The following TTLL1 variants were observed in gnomAD, a reference collection of about 807,000 sequenced individuals.
TTLL1 encodes TTL family tubulin polyglutamylase complex subunit L1, also known as polyglutamylase complex subunit TTLL1.
Under a neutral mutation model 47.8 loss-of-function variants are expected in TTLL1, and 33 were observed. That is an observed-to-expected ratio of 0.69 (90% CI 0.52 to 0.92). The LOEUF (loss-of-function observed/expected upper bound fraction) is 0.92. Ranked by LOEUF, TTLL1 falls within the 40% of genes least tolerant of loss-of-function variation. The pLI is 0.00. For synonymous variants in TTLL1, 225 were observed against 214.1 expected (o/e 1.05, Z -0.45); for missense variants, 488 against 547.5 (o/e 0.89, Z 1.08).
chr22:43,063,826 A>C lies in TTLL1; in HGVS notation c.734T>G (p.Ile245Ser). The change falls in exon 7 of 11, where the codon ATC becomes AGC. Residue 245 changes from isoleucine to serine, a missense_variant. By Grantham distance (142) the Ile-to-Ser change is moderately radical. Coordinates refer to ENST00000266254, the MANE Select transcript of TTLL1 (RefSeq NM_012263.5). ...GGACACACTCACCCCGTGTTTCTGG[A>C]TGGCGACGTTGGTGAGATGAACGAA... Reference protein sequence around the residue: ...NMFVHLTNVAIQKHGEDYNHI... With the variant: ...NMFVHLTNVASQKHGEDYNHI... 3 of 1,613,940 alleles carry C rather than the reference A, an allele frequency of 1.9e-6. No homozygotes were observed. Among genetic ancestry groups the C allele is most frequent in the Non-Finnish European group, 2.5e-6 (3 of 1,179,860 alleles).
At chr22:43,085,184 G>A (rs546450220) in intron 1 of TTLL1, among the ~76,000 whole-genome samples, 3 of 152,052 alleles carry the variant, frequency 2.0e-5, no homozygotes, top group Non-Finnish European at 4.4e-5. Flanking sequence ...CACTGTGTCA[G>A]CCAGGATGGT....
At chr22:43,084,351 T>C (rs1929089842) in intron 1 of TTLL1, among the ~76,000 whole-genome samples, 1 of 151,966 alleles carries the variant, frequency 6.6e-6, no homozygotes, top group Non-Finnish European at 1.5e-5. Context: ...GGTTTCACCA[T>C]GTTGTCCAGG....
At chr22:43,058,624 C>A (rs1335308173) in intron 8 of TTLL1, among the ~76,000 whole-genome samples, 1 of 152,228 alleles carries the variant, frequency 6.6e-6, no homozygotes, top group African/African-American at 2.4e-5. Context: ...TAGCCCCTTT[C>A]CCTTTCCGAA....
intron 1 of TTLL1, among the ~76,000 whole-genome samples, chr22:43,088,639 G>T (rs1929410369): frequency 2.0e-5 from 3 of 151,978 alleles, no homozygotes; most frequent in Non-Finnish European, 4.4e-5. Flanking sequence ...CACCGTGCCC[G>T]GCCGGGGCCC....
At chr22:43,075,048 C>A (rs1437921077) in intron 3 of TTLL1, among the ~76,000 whole-genome samples, 2 of 152,098 alleles carry the variant, frequency 1.3e-5, no homozygotes, top group Non-Finnish European at 2.9e-5. Flanking sequence ...GCCTGTAATC[C>A]CAGGTACTTG....
At chr22:43,056,848 A>C (rs1927047988) in intron 8 of TTLL1, among the ~76,000 whole-genome samples, 1 of 152,106 alleles carries the variant, frequency 6.6e-6, no homozygotes, top group African/African-American at 2.4e-5. Flanking sequence ...ACTGGAGTGC[A>C]TTGGCGTGAT....
At chr22:43,068,663 T>A in intron 4 of TTLL1, 73 bp from the exon 5 acceptor site, 3 of 1,337,362 alleles carry the variant, frequency 2.2e-6, no homozygotes, top group Non-Finnish European at 2.9e-6. Flanking sequence ...GATCTTGCCC[T>A]TGCCTTTCCA....
chr22:43,081,936 G>A (rs1263538141), intron 1 of TTLL1, among the ~76,000 whole-genome samples: 3 of 59,372 alleles, frequency 5.1e-5, no homozygotes, highest in Admixed American at 2.0e-4. Flanking sequence ...TGCAACCTCC[G>A]CCTCCTGGGA....
At position 43,064,389 on chromosome 22, in the gene TTLL1, GAA is replaced by G. The variant is rs1436267732; in HGVS notation, c.504-67_504-66del. On this transcript the variant is annotated intron_variant, in intron 5 of 10. Coordinates refer to ENST00000266254, the MANE Select transcript of TTLL1 (RefSeq NM_012263.5). ...ATGCAATAACGAAGACACAATCCAA[GAA>G]AGGAATAACTGATAAGCCGGACTTC... is the stretch of plus-strand genomic sequence containing the variant. 2.9e-5 allele frequency: 44 copies of G among 1,543,328 alleles called. No individual in the cohort carries two copies. In the Middle Eastern group the frequency reaches 5.3e-4, roughly 19 times the overall value.
At chr22:43,061,802 C>T (rs773723443) in intron 7 of TTLL1, among the ~76,000 whole-genome samples, 31 of 152,264 alleles carry the variant, frequency 2.0e-4, no homozygotes, top group South Asian at 4.1e-4. Flanking sequence ...CCTCGGCACA[C>T]GTTGTACCTA....
At position 43,058,240 on chromosome 22, in the gene TTLL1, G is replaced by A. The variant is rs760026078; in HGVS notation, c.891+1144C>T. On this transcript the variant is annotated intron_variant, in intron 8 of 10. Transcript: ENST00000266254. Reference sequence around the variant, plus strand: ...ATTACAGGTGTGAGCCACAGCGCCCGGCCCCGGAAATATTAATAGTAGCAA... The same window carrying A: ...ATTACAGGTGTGAGCCACAGCGCCCAGCCCCGGAAATATTAATAGTAGCAA... Among the ~76,000 whole-genome samples the A allele has an allele frequency of 5.3e-5, 8 of 152,126 alleles. No homozygotes were observed. In the East Asian group the frequency reaches 5.8e-4, roughly 11 times the overall value.
Position 43,059,384 on chromosome 22 carries a change from C to T in TTLL1, c.891G>A (p.Ala297=), listed in dbSNP as rs765451356. ...GCTCCCCCGCCCGCACCAAACTCACCGCCACAGCCTTCAGGGACTGCACGA... is the reference window on the plus strand; with the variant it reads ...GCTCCCCCGCCCGCACCAAACTCACTGCCACAGCCTTCAGGGACTGCACGA... ...WIIVQSLKAV[A]PVMNNDKHCF... Residue 297 remains alanine (A), a splice_region_variant and synonymous_variant, in exon 8 of 11, where the codon GCG becomes GCA. Coordinates refer to ENST00000266254, the MANE Select transcript of TTLL1 (RefSeq NM_012263.5). The T allele has an allele frequency of 2.1e-5, 34 of 1,610,062 alleles. No homozygotes were observed. Among genetic ancestry groups the T allele is most frequent in the African/African-American group, 8.0e-5 (6 of 74,744 alleles).
At position 43,068,594 on chromosome 22, in the gene TTLL1, C is replaced by CAA. The variant is rs748079631; in HGVS notation, c.323-6_323-5dup. The CAA allele has an allele frequency of 1.1e-4, 156 of 1,474,182 alleles. 1 individual carries two copies. The South Asian group carries it at 2.1e-3, about 20-fold the overall frequency. 91.3% of individuals were successfully genotyped at this position (1,474,182 alleles called of 1,614,324 possible). A position where few individuals can be genotyped will look rare whatever the true frequency, so the allele number is the denominator to read the frequency against. ...ATATAGGTGACTGGAACAAAGTCTG[C>CAA]AAGGCAAAGACACCCAGCACTGGTA... On this transcript the variant is annotated splice_region_variant and splice_polypyrimidine_tract_variant and intron_variant, in intron 4 of 10. Coordinates refer to ENST00000266254, the MANE Select transcript of TTLL1 (RefSeq NM_012263.5).
chr22:43,075,681 A>C (rs1928442049), intron 2 of TTLL1, 91 bp from the exon 3 acceptor site: 3 of 1,110,214 alleles, frequency 2.7e-6, no homozygotes, highest in Non-Finnish European at 4.1e-6. Context: ...TGCCCATCCC[A>C]AACTCGATCT....
In TTLL1 at chr22:43,069,660, C is replaced by T. The variant is rs1399598186; in HGVS notation, c.298G>A (p.Glu100Lys). ...CCCAGATAGAGGTATTTTCCATTTT[C>T]ATCTTTTTCTGCCAGAGGACTCCCT... ...KEGSPLAEKD[E>K]NGKYLYLDFV... is the part of the protein sequence containing the mutation. Residue 100 changes from glutamate (E) to lysine (K), a missense_variant, in exon 4 of 11, where the codon GAA (glutamate) becomes AAA (lysine). Glu to Lys is a moderately conservative substitution (Grantham distance 56, BLOSUM62 1). Transcript: ENST00000266254. 3 of 1,614,204 alleles carry T rather than the reference C, an allele frequency of 1.9e-6. No individual in the cohort carries two copies. In the Admixed American group the frequency reaches 5.0e-5, roughly 27 times the overall value.
intron 1 of TTLL1, among the ~76,000 whole-genome samples, chr22:43,084,253 C>T (rs988597051): frequency 5.3e-5 from 8 of 151,402 alleles, no homozygotes; most frequent in Non-Finnish European, 8.8e-5. Flanking sequence ...CAGGTTCAAG[C>T]GATTCTCCTG....
intron 3 of TTLL1, among the ~76,000 whole-genome samples, chr22:43,072,160 T>C (rs961202283): frequency 2.5e-4 from 37 of 149,190 alleles, no homozygotes; most frequent in African/African-American, 8.1e-4. Context: ...TTTTCTTTTT[T>C]TTTTTTTTTT....
At chr22:43,078,627 T>C (rs893748815) in intron 2 of TTLL1, among the ~76,000 whole-genome samples, 3 of 152,014 alleles carry the variant, frequency 2.0e-5, no homozygotes, top group Admixed American at 2.0e-4. Flanking sequence ...ACACAGCCCA[T>C]CACTTCCCTC....
At chr22:43,046,175 C>A (rs1044162869) in intron 10 of TTLL1, among the ~76,000 whole-genome samples, 2 of 152,066 alleles carry the variant, frequency 1.3e-5, no homozygotes, top group African/African-American at 4.8e-5. Context: ...GAGCCAAGAT[C>A]GTGCCACTGC....
Sources: gnomAD v4.1 joint callset for allele counts (sites outside exome capture counted in the v4.1 genomes callset) on GRCh38, gnomAD v4.1.1 for gene constraint, MANE v1.5 for transcripts, NCBI Gene and HGNC (gene_info 2026-07-23, HGNC 2026-07-21) for gene names.